The following PCDH7 variants were observed in gnomAD, a reference collection of about 807,000 sequenced individuals.
PCDH7 encodes the protein protocadherin-7.
Under a neutral mutation model 58.9 loss-of-function variants are expected in PCDH7, and 17 were observed. The ratio of observed to expected loss-of-function variants is 0.29; its 90% confidence interval spans 0.20 to 0.43. PCDH7 has a LOEUF of 0.43. Among genes scored for constraint, PCDH7 ranks in the 20% least tolerant of loss-of-function variants. PCDH7 has a pLI of 1.00. For synonymous variants in PCDH7, 664 were observed against 616.4 expected, an observed-to-expected ratio of 1.08 and a Z score of -1.14; for missense variants, 1,274 against 1,441.0, an observed-to-expected ratio of 0.88 and a Z score of 1.88.
At chr4:31,054,072 C>A (rs1004263342) in intron 3 of PCDH7, among the ~76,000 whole-genome samples, 2 of 151,950 alleles carry the variant, frequency 1.3e-5, no homozygotes, top group Admixed American at 1.3e-4. Context: ...CTCAAGCAAT[C>A]CTCCCACCTC....
chr4:30,882,199 C>T (rs1015170910), intron 1 of PCDH7, among the ~76,000 whole-genome samples: 1 of 150,694 alleles, frequency 6.6e-6, no homozygotes, highest in South Asian at 2.1e-4. Context: ...CCTCCCCTTC[C>T]TCCTCCTCTT....
chr4:31,051,493 C>T (rs1282170337), intron 3 of PCDH7, among the ~76,000 whole-genome samples: 9 of 152,020 alleles, frequency 5.9e-5, no homozygotes, highest in Non-Finnish European at 1.3e-4. Context: ...AATAATAATC[C>T]CTGGATTTTA....
intron 3 of PCDH7, among the ~76,000 whole-genome samples, chr4:31,081,305 A>G (rs939371090): frequency 6.6e-6 from 1 of 152,244 alleles, no homozygotes; most frequent in Non-Finnish European, 1.5e-5. Flanking sequence ...AGGAAATAAC[A>G]TGCCAGTGAA....
chr4:30,928,161 G>A (rs1744128235), intron 2 of PCDH7, among the ~76,000 whole-genome samples: 1 of 151,970 alleles, frequency 6.6e-6, no homozygotes, highest in South Asian at 2.1e-4. Flanking sequence ...CTGGAATCAG[G>A]GGATCCTTCC....
intron 1 of PCDH7, among the ~76,000 whole-genome samples, chr4:30,779,785 A>G (rs1370922770): frequency 1.3e-5 from 2 of 151,620 alleles, no homozygotes; most frequent in Admixed American, 1.3e-4. Flanking sequence ...GTATTTTTCT[A>G]CTCTTCTCTG....
intron 1 of PCDH7, among the ~76,000 whole-genome samples, chr4:30,879,249 CT>C (rs964661140): frequency 2.6e-5 from 4 of 151,386 alleles, no homozygotes; most frequent in African/African-American, 9.7e-5. Context: ...TCTTTCCTTT[CT>C]TCTCTACTTT....
At chr4:30,914,201 T>G (rs1178275830) in intron 1 of PCDH7, among the ~76,000 whole-genome samples, 1 of 152,154 alleles carries the variant, frequency 6.6e-6, no homozygotes, top group Non-Finnish European at 1.5e-5. Context: ...TATGGTAGTT[T>G]AAAAAAGTGT....
intron 3 of PCDH7, among the ~76,000 whole-genome samples, chr4:30,976,721 G>C (rs373197124): frequency 6.6e-6 from 1 of 152,206 alleles, no homozygotes; most frequent in East Asian, 1.9e-4. Flanking sequence ...AAAGAAAAGC[G>C]AGTAAACACA....
At chr4:30,796,241 A>G (rs940228578) in intron 1 of PCDH7, among the ~76,000 whole-genome samples, 9 of 152,158 alleles carry the variant, frequency 5.9e-5, no homozygotes, top group African/African-American at 2.2e-4. Flanking sequence ...TTTTTCAAAG[A>G]TATATTACAG....
intron 3 of PCDH7, among the ~76,000 whole-genome samples, chr4:31,062,702 T>C (rs1325564084): frequency 6.6e-6 from 1 of 151,860 alleles, no homozygotes; most frequent in Non-Finnish European, 1.5e-5. Context: ...TTCAGGGTCA[T>C]TTTGTCAAAA....
chr4:31,088,810 A>G (rs1362063947), intron 3 of PCDH7, among the ~76,000 whole-genome samples: 1 of 152,124 alleles, frequency 6.6e-6, no homozygotes, highest in East Asian at 1.9e-4. Context: ...TCTTTTAAAA[A>G]TAAGTAACCG....
At chr4:30,949,762 A>G (rs944859258) in intron 2 of PCDH7, among the ~76,000 whole-genome samples, 30 of 152,214 alleles carry the variant, frequency 2.0e-4, no homozygotes, top group South Asian at 1.5e-3. Context: ...AAGAAAATAC[A>G]TATCTATTTG....
At chr4:31,007,586 G>GT (rs763499360) in intron 3 of PCDH7, among the ~76,000 whole-genome samples, 11,924 of 142,396 alleles carry the variant, frequency 0.084, 505 homozygotes, top group Non-Finnish European at 0.098. Context: ...TGGTTTTATG[G>GT]TTTTTTTTTT....
chr4:30,838,562 A>C (rs549978117), intron 1 of PCDH7, among the ~76,000 whole-genome samples: 5 of 152,192 alleles, frequency 3.3e-5, no homozygotes, highest in Non-Finnish European at 7.3e-5. Context: ...ATCTATCAGA[A>C]AGCTTATCTA....
At chr4:30,854,168 C>G (rs1462130698) in intron 1 of PCDH7, among the ~76,000 whole-genome samples, 1 of 151,218 alleles carries the variant, frequency 6.6e-6, no homozygotes. Context: ...AAAAAAATCA[C>G]AGTTTCCCCC....
At chr4:30,885,415 G>A (rs775580755) in intron 1 of PCDH7, among the ~76,000 whole-genome samples, 21 of 152,098 alleles carry the variant, frequency 1.4e-4, no homozygotes, top group Non-Finnish European at 2.6e-4. Context: ...ATTAATAAGG[G>A]CAAAACACTA....
intron 3 of PCDH7, among the ~76,000 whole-genome samples, chr4:31,117,502 A>AT (rs1364100826): frequency 6.6e-6 from 1 of 152,170 alleles, no homozygotes; most frequent in Non-Finnish European, 1.5e-5. Context: ...TAATTCATTT[A>AT]TCCCCCAATT....
chr4:31,107,136 C>A (rs1460065059), intron 3 of PCDH7, among the ~76,000 whole-genome samples: 1 of 152,092 alleles, frequency 6.6e-6, no homozygotes, highest in African/African-American at 2.4e-5. Flanking sequence ...TTTCTACAAT[C>A]TTCATGGGCA....
chr4:30,961,501 G>A (rs749792158), intron 3 of PCDH7, among the ~76,000 whole-genome samples: 2 of 151,676 alleles, frequency 1.3e-5, no homozygotes, highest in East Asian at 1.9e-4. Context: ...GCAGTGAGCC[G>A]AGATCGTGCC....
Sources: allele counts gnomAD v4.1 joint callset (sites outside exome capture counted in the v4.1 genomes callset), GRCh38; gene constraint gnomAD v4.1.1; transcripts MANE v1.5; gene names NCBI Gene and HGNC (gene_info 2026-07-23, HGNC 2026-07-21).